Variants in DLGAP2 observed in about 807,000 individuals in gnomAD.
DLGAP2 encodes the protein disks large-associated protein 2.
DLGAP2 carries 26 observed loss-of-function variants against 100.3 expected under a neutral mutation model. The ratio of observed to expected loss-of-function variants is 0.26; its 90% CI spans 0.19 to 0.36. The LOEUF (loss-of-function observed/expected upper bound fraction) is 0.36, where lower values mean the gene tolerates loss of function less well. DLGAP2 is among the 10% of genes least tolerant of loss of function. DLGAP2 has a pLI of 1.00. For missense variants in DLGAP2, 1,858 were observed against 1,453.2 expected, an observed-to-expected ratio of 1.28 and a Z score of -4.53; for synonymous variants, 886 against 630.1, an observed-to-expected ratio of 1.41 and a Z score of -6.08.
intron 2 of DLGAP2, among the ~76,000 whole-genome samples, chr8:1,086,202 T>C (rs1457328735): frequency 1.3e-5 from 2 of 152,210 alleles, no homozygotes; most frequent in Non-Finnish European, 2.9e-5. Context: ...TATGGTGTCA[T>C]CTGCAAACAG....
intron 2 of DLGAP2, among the ~76,000 whole-genome samples, chr8:925,278 A>G (rs982218896): frequency 1.5e-4 from 23 of 151,964 alleles, no homozygotes; most frequent in African/African-American, 5.6e-4. Flanking sequence ...GCTAATTTTT[A>G]TTTTTTAATT....
At chr8:1,236,361 T>C (rs1798655684) in intron 2 of DLGAP2, among the ~76,000 whole-genome samples, 1 of 51,154 alleles carries the variant, frequency 2.0e-5, no homozygotes, top group Non-Finnish European at 3.8e-5. Flanking sequence ...TTCTCTCCCA[T>C]GGCGCCGTGT....
At chr8:1,108,705 G>GGTGTGCACGTGCATATAAT (rs1563196670) in intron 2 of DLGAP2, among the ~76,000 whole-genome samples, 7 of 136,746 alleles carry the variant, frequency 5.1e-5, no homozygotes, top group African/African-American at 1.7e-4. Flanking sequence ...GGGTCTGTGA[G>GGTGTGCACGTGCATATAAT]GTGTGCACGT....
rs1010367986 is a variant in DLGAP2 at position 1,373,246 on chromosome 8, CG to C, written c.106+114369del. 5.3e-5 allele frequency among the ~76,000 whole-genome samples: 8 copies of C among 152,092 alleles called. No homozygotes were observed. In the South Asian group the frequency reaches 1.0e-3, roughly 20 times the overall value. On this transcript the variant is annotated intron_variant, in intron 3 of 14. Coordinates refer to ENST00000637795, the MANE Select transcript of DLGAP2 (RefSeq NM_001346810.2). The stretch of plus-strand genomic sequence containing the variant: ...CTGTGCTGGAGAAAGCCACGCCCCT[CG>C]GGGGGAGGCGCCGCCGCCACGCGCG...
intron 2 of DLGAP2, among the ~76,000 whole-genome samples, chr8:1,135,503 G>GGTT (rs1554490362): frequency 2.1e-3 from 193 of 92,236 alleles, no homozygotes; most frequent in Non-Finnish European, 3.3e-3. Context: ...TTTTTTGTGG[G>GGTT]TTTTTTTTTT....
chr8:834,201 T>G (rs757765809), intron 1 of DLGAP2, among the ~76,000 whole-genome samples: 1 of 152,202 alleles, frequency 6.6e-6, no homozygotes, highest in Non-Finnish European at 1.5e-5. Context: ...GAGTAGACCA[T>G]GGGCTGACGA....
At chr8:1,320,502 C>T (rs971783188) in intron 3 of DLGAP2, among the ~76,000 whole-genome samples, 15 of 152,244 alleles carry the variant, frequency 9.9e-5, no homozygotes, top group African/African-American at 3.4e-4. Flanking sequence ...GACGGGTGAA[C>T]GGGCAACATA....
chr8:1,009,163 C>G (rs1458834951), intron 2 of DLGAP2, among the ~76,000 whole-genome samples: 1 of 152,200 alleles, frequency 6.6e-6, no homozygotes, highest in African/African-American at 2.4e-5. Flanking sequence ...GCTCTGCCTC[C>G]TGCTTTCCAA....
chr8:1,538,243 C>T (rs574631819), intron 4 of DLGAP2, among the ~76,000 whole-genome samples: 5 of 152,174 alleles, frequency 3.3e-5, no homozygotes, highest in African/African-American at 9.7e-5. Flanking sequence ...TCTGCATCCA[C>T]CCAAATACAC....
At chr8:1,294,218 G>A (rs889137071) in intron 3 of DLGAP2, among the ~76,000 whole-genome samples, 1 of 152,188 alleles carries the variant, frequency 6.6e-6, no homozygotes, top group Admixed American at 6.5e-5. Context: ...CCCCTTGCCA[G>A]TCATTCAGGT....
chr8:1,510,739 C>G (rs1047858782), intron 4 of DLGAP2, among the ~76,000 whole-genome samples: 1 of 152,148 alleles, frequency 6.6e-6, no homozygotes, highest in Admixed American at 6.5e-5. Flanking sequence ...CCAAGCCAAA[C>G]CCTGTAGGAC....
rs532197547 is a variant in DLGAP2, at chr8:1,327,072, C to G, written c.106+68189C>G. Reference sequence around the variant, plus strand: ...AAAATCCCGGGCAGGCCCCTGGAGGCAGAGCCCTGGTTCCACGTGGCCCAG... The same window carrying G: ...AAAATCCCGGGCAGGCCCCTGGAGGGAGAGCCCTGGTTCCACGTGGCCCAG... On this transcript the variant is annotated intron_variant, in intron 3 of 14. Coordinates refer to ENST00000637795, the MANE Select transcript of DLGAP2 (RefSeq NM_001346810.2). Among the ~76,000 whole-genome samples, 7 of 152,382 alleles carry G rather than the reference C, an allele frequency of 4.6e-5. No individual in the cohort carries two copies. The South Asian group carries it at 8.3e-4, about 18-fold the overall frequency.
intron 1 of DLGAP2, among the ~76,000 whole-genome samples, chr8:804,828 C>T (rs916087976): frequency 6.6e-6 from 1 of 152,114 alleles, no homozygotes; most frequent in Admixed American, 6.5e-5. Flanking sequence ...TGCAGTGGTG[C>T]AATCATGGCT....
At chr8:1,680,659 C>T (rs1327949142) in intron 12 of DLGAP2, 6 of 152,244 alleles carry the variant, frequency 3.9e-5, no homozygotes, top group South Asian at 2.1e-4. Flanking sequence ...GTGTTCCGAT[C>T]GTTCACACGG....
intron 6 of DLGAP2, among the ~76,000 whole-genome samples, chr8:1,588,092 G>T (rs1256152451): frequency 6.6e-6 from 1 of 152,194 alleles, no homozygotes; most frequent in Non-Finnish European, 1.5e-5. Flanking sequence ...ACGATGAAGA[G>T]TGTTCAGAAC....
At position 1,464,285 on chromosome 8, in the gene DLGAP2, A is replaced by AAGAAAGCACC. The variant is rs1798551274; in HGVS notation, c.107-37081_107-37080insAGAAAGCACC. On this transcript the variant is annotated intron_variant, in intron 3 of 14. Coordinates refer to ENST00000637795, the MANE Select transcript of DLGAP2 (RefSeq NM_001346810.2). ...TCCAGGACGGCACCCTTCCAGGACA[A>AAGAAAGCACC]CGCCCTTCCAGGATGGCACCCTTCC... 6.6e-5 allele frequency among the ~76,000 whole-genome samples: 2 copies of AAGAAAGCACC among 30,470 alleles called. 1 individual carries two copies. The highest frequency in any genetic ancestry group is 7.8e-4 in the Admixed American group (2 of 2,580). 20.0% of individuals were successfully genotyped at this position (30,470 alleles called of 152,430 possible).
chr8:1,527,046 A>T (rs1031899488), intron 4 of DLGAP2, among the ~76,000 whole-genome samples: 10 of 151,958 alleles, frequency 6.6e-5, no homozygotes, highest in South Asian at 2.1e-4. Context: ...CACATGCCCT[A>T]TCCAACCCTC....
At chr8:1,119,128 T>C (rs74893339) in intron 2 of DLGAP2, among the ~76,000 whole-genome samples, 4 of 152,372 alleles carry the variant, frequency 2.6e-5, no homozygotes, top group Non-Finnish European at 5.9e-5. Context: ...ATTTAAGTAC[T>C]GATTTGCAGT....
intron 1 of DLGAP2, among the ~76,000 whole-genome samples, chr8:750,729 C>T (rs1044436188): frequency 3.3e-5 from 5 of 152,248 alleles, no homozygotes; most frequent in South Asian, 2.1e-4. Flanking sequence ...GCAGCCCCCA[C>T]GGCTCGCCGT....
Sources: allele counts gnomAD v4.1 joint callset (sites outside exome capture counted in the v4.1 genomes callset), GRCh38; gene constraint gnomAD v4.1.1; transcripts MANE v1.5; gene names NCBI Gene and HGNC (gene_info 2026-07-23, HGNC 2026-07-21).